FNTB: variants seen among roughly 807,000 people sequenced by gnomAD.
FNTB encodes the protein protein farnesyltransferase subunit beta.
A neutral mutation model predicts 59.4 loss-of-function variants in FNTB; 27 were observed. That is an observed-to-expected ratio of 0.45 (90% CI 0.34 to 0.63). The LOEUF (loss-of-function observed/expected upper bound fraction) is 0.63. FNTB is among the 20% of genes least tolerant of loss of function. The pLI is 0.02. For synonymous variants in FNTB, 230 were observed against 220.7 expected (o/e 1.04, Z -0.37); for missense variants, 449 against 559.6 (o/e 0.80, Z 1.99).
intron 8 of FNTB, among the ~76,000 whole-genome samples, chr14:65,043,218 C>T (rs933084733): frequency 6.6e-6 from 1 of 152,180 alleles, no homozygotes; most frequent in African/African-American, 2.4e-5. Context: ...CCAGTTGGTT[C>T]TGCTCATTCT....
chr14:65,041,448 G>A (rs2062350730), intron 8 of FNTB, among the ~76,000 whole-genome samples: 1 of 152,044 alleles, frequency 6.6e-6, no homozygotes, highest in Non-Finnish European at 1.5e-5. Context: ...TCAGCTTCAG[G>A]GAGTCACTAG....
intron 1 of FNTB, among the ~76,000 whole-genome samples, chr14:65,000,781 C>T (rs1888564096): frequency 7.4e-6 from 1 of 134,252 alleles, no homozygotes; most frequent in Non-Finnish European, 1.5e-5. Flanking sequence ...GATCGCACCA[C>T]TGCCCTCCAG....
chr14:65,033,797 C>T (rs2139595839), intron 7 of FNTB, among the ~76,000 whole-genome samples: 1 of 152,214 alleles, frequency 6.6e-6, no homozygotes, highest in Middle Eastern at 3.4e-3. Context: ...GCGGAGCTTG[C>T]AGTGAGCCGA....
chr14:65,038,887 A>C (rs2062278090), intron 7 of FNTB, among the ~76,000 whole-genome samples: 1 of 151,690 alleles, frequency 6.6e-6, no homozygotes, highest in Non-Finnish European at 1.5e-5. Flanking sequence ...TTACTTCCTG[A>C]CTACTTTTTT....
rs920580036 is a variant in FNTB, at chr14:64,994,540, C to T, written c.144+7443C>T. Among the ~76,000 whole-genome samples the T allele has an allele frequency of 6.6e-6, 1 of 152,164 alleles. No individual in the cohort carries two copies. The highest frequency in any genetic ancestry group is 2.4e-5 in the African/African-American group (1 of 41,420). On this transcript the variant is annotated intron_variant, in intron 1 of 11. Coordinates refer to ENST00000246166, the MANE Select transcript of FNTB (RefSeq NM_002028.4). The surrounding 1 kb of genome is among the most constrained non-coding windows in gnomAD (Gnocchi z 4.2). ...GGCTACAAACCTACACAGTATGTTACTGTACTAAATACTGCAGGCAATTGG... is the reference window on the plus strand; with the variant it reads ...GGCTACAAACCTACACAGTATGTTATTGTACTAAATACTGCAGGCAATTGG...
intron 7 of FNTB, among the ~76,000 whole-genome samples, chr14:65,036,429 G>A (rs111311778): frequency 1.3e-5 from 2 of 151,510 alleles, no homozygotes; most frequent in African/African-American, 2.4e-5. Flanking sequence ...TAGAGACGGG[G>A]TTTTCCCATG....
chr14:65,057,901 T>TC (rs1271960725), intron 11 of FNTB, among the ~76,000 whole-genome samples: 1 of 152,224 alleles, frequency 6.6e-6, no homozygotes, highest in African/African-American at 2.4e-5. Flanking sequence ...CTTATTTTGT[T>TC]CCTTTGGTCT....
At position 65,014,030 on chromosome 14, in the gene FNTB, A is replaced by G. The variant is rs984071783; in HGVS notation, c.283-1595A>G. Among the ~76,000 whole-genome samples, 1 of 152,202 alleles carries G rather than the reference A, an allele frequency of 6.6e-6. No homozygotes were observed. Among genetic ancestry groups the G allele is most frequent in the African/African-American group, 2.4e-5 (1 of 41,460 alleles). Reference sequence around the variant, plus strand: ...AGTGTCTTCAGTAGCTCACCAGCCTACCTTCCAGGTGGTGGGTTAGCCACA... The same window carrying G: ...AGTGTCTTCAGTAGCTCACCAGCCTGCCTTCCAGGTGGTGGGTTAGCCACA... On this transcript the variant is annotated intron_variant, in intron 3 of 11. Transcript: ENST00000246166. The surrounding 1 kb of genome is among the most constrained non-coding windows in gnomAD (Gnocchi z 5.1).
In FNTB at chr14:65,032,598, C is replaced by G; in HGVS notation, c.606-12C>G. On this transcript the variant is annotated splice_polypyrimidine_tract_variant and intron_variant, in intron 6 of 11. Coordinates refer to ENST00000246166, the MANE Select transcript of FNTB (RefSeq NM_002028.4). This position sits in a 1 kb window ranked among gnomAD's most constrained non-coding sequence, Gnocchi z 5.0. ...GTAGAGCTTAATGTGTTTCCCGTTT[C>G]TGTCTTTCCAGAAGCGCATACTGTG... is the stretch of plus-strand genomic sequence containing the variant. 2 of 1,612,946 alleles carry G rather than the reference C, an allele frequency of 1.2e-6. No homozygotes were observed. The highest frequency in any genetic ancestry group is 1.7e-6 in the Non-Finnish European group (2 of 1,179,828).
Position 65,054,793 on chromosome 14 carries a change from C to A in FNTB, c.1182+104C>A. 2.3e-6 allele frequency: 3 copies of A among 1,295,204 alleles called. No individual in the cohort carries two copies. Among genetic ancestry groups the A allele is most frequent in the Middle Eastern group, 2.4e-4 (1 of 4,158 alleles). 80.2% of individuals were successfully genotyped at this position (1,295,204 alleles called of 1,614,324 possible). A position where few individuals can be genotyped will look rare whatever the true frequency, so the allele number is the denominator to read the frequency against. ...GCTCTGCATTTCCTGTGTGGACAGG[C>A]GGAAGCTTGTGGTCCCTCTGCCCTT... On this transcript the variant is annotated intron_variant, in intron 11 of 11. Coordinates refer to ENST00000246166, the MANE Select transcript of FNTB (RefSeq NM_002028.4). This position sits in a 1 kb window ranked among gnomAD's most constrained non-coding sequence, Gnocchi z 4.4.
At chr14:65,055,504 ATT>A in intron 11 of FNTB, among the ~76,000 whole-genome samples, 1 of 151,454 alleles carries the variant, frequency 6.6e-6, no homozygotes, top group South Asian at 2.1e-4. Flanking sequence ...GTTTAAAAAA[ATT>A]TTTTTTTTAA....
intron 3 of FNTB, among the ~76,000 whole-genome samples, chr14:65,013,347 A>C (rs148000174): frequency 2.8e-4 from 42 of 151,596 alleles, no homozygotes; most frequent in African/African-American, 9.7e-4. Flanking sequence ...TCTTCCTCCA[A>C]ATGAAGCCGG....
At chr14:65,019,313 C>G (rs756842294) in intron 4 of FNTB, among the ~76,000 whole-genome samples, 14 of 151,974 alleles carry the variant, frequency 9.2e-5, no homozygotes, top group Non-Finnish European at 2.1e-4. Context: ...ATGGTGAAAC[C>G]CTGTCTCTAC....
chr14:65,014,364 G>A lies in FNTB; in HGVS notation c.283-1261G>A, dbSNP rs564574194. Among the ~76,000 whole-genome samples the A allele has an allele frequency of 6.6e-6, 1 of 152,162 alleles. No homozygotes were observed. The highest frequency in any genetic ancestry group is 2.4e-5 in the African/African-American group (1 of 41,514). The stretch of plus-strand genomic sequence containing the variant: ...GGCAGAATTAGTCAGTCTCTTCCAC[G>A]TGCTCCCTCAAAACTCTGTTTTCGT... On this transcript the variant is annotated intron_variant, in intron 3 of 11. Transcript: ENST00000246166. This position sits in a 1 kb window ranked among gnomAD's most constrained non-coding sequence, Gnocchi z 5.1.
At position 65,027,181 on chromosome 14, in the gene FNTB, A is replaced by G. The variant is rs1224316230; in HGVS notation, c.375-272A>G. Among the ~76,000 whole-genome samples, 1 of 152,200 alleles carries G rather than the reference A, an allele frequency of 6.6e-6. No individual in the cohort carries two copies. Among genetic ancestry groups the G allele is most frequent in the Non-Finnish European group, 1.5e-5 (1 of 68,026 alleles). Reference sequence around the variant, plus strand: ...GGGAGACTCTTACCCCATAGCTACGAAAGTCGGTTTCTTCCCAGCCTTGTG... The same window carrying G: ...GGGAGACTCTTACCCCATAGCTACGGAAGTCGGTTTCTTCCCAGCCTTGTG... On this transcript the variant is annotated intron_variant, in intron 4 of 11. Transcript: ENST00000246166. This position sits in a 1 kb window ranked among gnomAD's most constrained non-coding sequence, Gnocchi z 5.7.
rs552400963 is a variant in FNTB at position 65,006,460 on chromosome 14, G to A, written c.209+2147G>A. Among the ~76,000 whole-genome samples the A allele has an allele frequency of 1.4e-3, 206 of 152,338 alleles. 2 individuals are homozygous for A. The highest frequency in any genetic ancestry group is 4.5e-3 in the African/African-American group (186 of 41,572). On this transcript the variant is annotated intron_variant, in intron 2 of 11. Transcript: ENST00000246166. ...CGCCATTTATTTAAATAGCTTGGGA[G>A]AACGAGCTCTCTTAAATGTAATGGT... is the stretch of plus-strand genomic sequence containing the variant.
At chr14:65,003,632 T>C (rs2061542457) in intron 1 of FNTB, 1 of 152,070 alleles carries the variant, frequency 6.6e-6, no homozygotes, top group Non-Finnish European at 1.5e-5. Flanking sequence ...ACAGAGAAGA[T>C]TGTGGGCGAA....
chr14:65,059,497 C>A (rs189966483), intron 11 of FNTB, among the ~76,000 whole-genome samples: 26 of 152,174 alleles, frequency 1.7e-4, no homozygotes, highest in Admixed American at 1.0e-3. Flanking sequence ...TCATGTAGGC[C>A]TTTAAAAATT....
At position 65,048,040 on chromosome 14, in the gene FNTB, T is replaced by A. The variant is rs138613901; in HGVS notation, c.955+3597T>A. Among the ~76,000 whole-genome samples the A allele has an allele frequency of 2.7e-3, 355 of 133,420 alleles. 1 individual carries two copies. Among genetic ancestry groups the A allele is most frequent in the Middle Eastern group, 4.9e-3 (1 of 204 alleles). The allele number at this position is 133,420 out of a possible 152,430, so 87.5% of individuals were successfully genotyped here. Reference sequence around the variant, plus strand: ...TCTCACTCTGTTGCTGAGGCTGGAGTGCAGTGGTGCAATCTCGGCTCACTG... The same window carrying A: ...TCTCACTCTGTTGCTGAGGCTGGAGAGCAGTGGTGCAATCTCGGCTCACTG... On this transcript the variant is annotated intron_variant, in intron 9 of 11. Transcript: ENST00000246166.
Sources: gnomAD v4.1 joint callset for allele counts (sites outside exome capture counted in the v4.1 genomes callset) on GRCh38, gnomAD v4.1.1 for gene constraint, Gnocchi (gnomAD v3.1) non-coding constraint, MANE v1.5 for transcripts, NCBI Gene and HGNC (gene_info 2026-07-23, HGNC 2026-07-21) for gene names.